The following FTO variants were observed in gnomAD, a reference collection of about 807,000 sequenced individuals.
FTO encodes alpha-ketoglutarate-dependent dioxygenase FTO.
In FTO, 47 loss-of-function variants were observed where a neutral mutation model predicts 63.9. The observed-to-expected ratio is 0.74, with a 90% confidence interval of 0.58 to 0.94. FTO has a LOEUF of 0.94. FTO is among the 40% of genes least tolerant of loss of function. FTO has a pLI of 0.00. For missense variants in FTO, 562 were observed against 618.1 expected, an observed-to-expected ratio of 0.91 and a Z score of 0.96; for synonymous variants, 207 against 224.4, an observed-to-expected ratio of 0.92 and a Z score of 0.69.
chr16:53,826,577 A>G, intron 3 of FTO, 86 bp downstream of exon 3: 1 of 1,263,070 alleles, frequency 7.9e-7, no homozygotes, highest in South Asian at 1.2e-5. Flanking sequence ...ACGCATATAC[A>G]TGAACATGTT....
At chr16:54,020,881 G>A (rs1217415556) in intron 8 of FTO, among the ~76,000 whole-genome samples, 6 of 152,244 alleles carry the variant, frequency 3.9e-5, no homozygotes, top group African/African-American at 1.4e-4. Flanking sequence ...CTGAGCAGGA[G>A]AATCCCTTGA....
At chr16:54,090,743 G>T (rs935089570) in intron 8 of FTO, among the ~76,000 whole-genome samples, 1 of 152,152 alleles carries the variant, frequency 6.6e-6, no homozygotes. Context: ...CTAAGACTCC[G>T]GCCTTCTGGG....
intron 8 of FTO, among the ~76,000 whole-genome samples, chr16:53,959,389 A>G (rs193057022): frequency 2.0e-5 from 3 of 152,346 alleles, no homozygotes. Context: ...CCACAGCTCT[A>G]TGCCAAGTGG....
At chr16:53,788,099 T>C (rs958224536) in intron 1 of FTO, among the ~76,000 whole-genome samples, 4 of 152,228 alleles carry the variant, frequency 2.6e-5, no homozygotes, top group African/African-American at 9.6e-5. Context: ...AGTGATGTGC[T>C]GTCAACATAT....
chr16:54,085,249 A>C (rs2086233440), intron 8 of FTO, among the ~76,000 whole-genome samples: 1 of 152,204 alleles, frequency 6.6e-6, no homozygotes, highest in Non-Finnish European at 1.5e-5. Flanking sequence ...TGCTACAGGC[A>C]TGACAATTCC....
intron 3 of FTO, among the ~76,000 whole-genome samples, chr16:53,833,589 G>A (rs1269844829): frequency 6.6e-6 from 1 of 152,098 alleles, no homozygotes; most frequent in Admixed American, 6.5e-5. Context: ...TTTTGTGTAT[G>A]TACTTTTGCG....
chr16:54,040,845 G>T (rs1323452376), intron 8 of FTO: 1 of 152,184 alleles, frequency 6.6e-6, no homozygotes, highest in African/African-American at 2.4e-5. Flanking sequence ...ACTTTAGAAA[G>T]CTAAACACTG....
At chr16:53,911,636 G>A (rs1449790799) in intron 7 of FTO, among the ~76,000 whole-genome samples, 1 of 152,214 alleles carries the variant, frequency 6.6e-6, no homozygotes, top group African/African-American at 2.4e-5. Flanking sequence ...GTGCACTGTA[G>A]CCAGACATGT....
chr16:53,874,283 A>T (rs1028103733), intron 5 of FTO, among the ~76,000 whole-genome samples: 1 of 152,176 alleles, frequency 6.6e-6, no homozygotes, highest in Admixed American at 6.5e-5. Context: ...TTTTGGTCAG[A>T]CTTCTGGGCA....
intron 1 of FTO, among the ~76,000 whole-genome samples, chr16:53,709,663 T>C (rs1026348640): frequency 2.6e-5 from 4 of 152,182 alleles, no homozygotes; most frequent in African/African-American, 9.7e-5. Flanking sequence ...TTAAAACTTA[T>C]TGAAGAGCAA....
At chr16:53,818,530 A>G (rs2078762919) in intron 2 of FTO, among the ~76,000 whole-genome samples, 1 of 152,146 alleles carries the variant, frequency 6.6e-6, no homozygotes, top group Non-Finnish European at 1.5e-5. Flanking sequence ...GATTAAAAAT[A>G]TTTTACATTT....
At chr16:53,759,222 C>T (rs2076991134) in intron 1 of FTO, among the ~76,000 whole-genome samples, 1 of 152,130 alleles carries the variant, frequency 6.6e-6, no homozygotes, top group African/African-American at 2.4e-5. Flanking sequence ...ATTAAATTTT[C>T]AACAGAAGTA....
intron 8 of FTO, among the ~76,000 whole-genome samples, chr16:53,972,301 A>G (rs1337668525): frequency 6.6e-6 from 1 of 152,100 alleles, no homozygotes; most frequent in Non-Finnish European, 1.5e-5. Context: ...ATGATATTGG[A>G]CAAGTATTTT....
chr16:53,744,865 C>T (rs955652654), intron 1 of FTO, among the ~76,000 whole-genome samples: 13 of 151,128 alleles, frequency 8.6e-5, no homozygotes, highest in East Asian at 1.9e-4. Flanking sequence ...GAGCTCCTAC[C>T]GTCTTTGACC....
intron 8 of FTO, among the ~76,000 whole-genome samples, chr16:54,065,432 G>A (rs1457444377): frequency 3.9e-5 from 6 of 152,096 alleles, no homozygotes; most frequent in Non-Finnish European, 7.4e-5. Flanking sequence ...CCAAAGAGCT[G>A]TGATTGCAGG....
intron 8 of FTO, among the ~76,000 whole-genome samples, chr16:54,067,059 T>A (rs2085748919): frequency 6.6e-6 from 1 of 152,214 alleles, no homozygotes; most frequent in East Asian, 1.9e-4. Context: ...TTTAGTACAT[T>A]TAAAAGCATT....
At position 53,895,457 on chromosome 16, in the gene FTO, C is replaced by T. The variant is rs533143696; in HGVS notation, c.1239+6506C>T. Among the ~76,000 whole-genome samples, 24 of 152,240 alleles carry T rather than the reference C, an allele frequency of 1.6e-4. No homozygotes were observed. The East Asian group carries it at 2.9e-3, about 18-fold the overall frequency. Reference sequence around the variant, plus strand: ...ACTGGATAAGGAAAATTTTAGAAACCGTCTGATAGTGTTCAGGGTAAATAC... The same window carrying T: ...ACTGGATAAGGAAAATTTTAGAAACTGTCTGATAGTGTTCAGGGTAAATAC... On this transcript the variant is annotated intron_variant, in intron 7 of 8. Transcript: ENST00000471389.
intron 8 of FTO, among the ~76,000 whole-genome samples, chr16:54,037,746 G>C (rs74019565): frequency 0.022 from 3,417 of 152,244 alleles, 142 homozygotes; most frequent in African/African-American, 0.078. Context: ...AGACAACATA[G>C]AAACATGGAG....
At chr16:54,091,274 G>A (rs987831218) in intron 8 of FTO, among the ~76,000 whole-genome samples, 4 of 152,194 alleles carry the variant, frequency 2.6e-5, no homozygotes, top group African/African-American at 4.8e-5. Context: ...TGCCGGTACA[G>A]TGGCTCACAC....
Sources: allele counts gnomAD v4.1 joint callset (sites outside exome capture counted in the v4.1 genomes callset), GRCh38; gene constraint gnomAD v4.1.1; transcripts MANE v1.5; gene names NCBI Gene and HGNC (gene_info 2026-07-23, HGNC 2026-07-21).